Variants in ZNF260 observed in about 807,000 individuals in gnomAD.
ZNF260 encodes zinc finger protein 260, also known as zfp-260.
ZNF260 carries 21 observed loss-of-function variants against 29.3 expected under a neutral mutation model. The ratio of observed to expected loss-of-function variants is 0.72; its 90% CI spans 0.51 to 1.03. The LOEUF is 1.03. Ranked by LOEUF, ZNF260 falls within the 50% of genes least tolerant of loss-of-function variation. The probability of loss-of-function intolerance (pLI) is 0.00; values close to 1 mark genes in which losing one functional copy is unlikely to be tolerated. For synonymous variants in ZNF260, 156 were observed against 156.8 expected (o/e 0.99, Z 0.04); for missense variants, 465 against 487.8 (o/e 0.95, Z 0.44).
Position 36,511,457 on chromosome 19 carries a change from GC to G in ZNF260, c.*2542del, listed in dbSNP as rs2034450951. On this transcript the variant is annotated 3_prime_UTR_variant, in exon 3 of 3. Coordinates refer to ENST00000523638, the MANE Select transcript of ZNF260 (RefSeq NM_001166037.2). ...ACCTGAGGTCAGGAATTCAAGACCAGCCTGGCCAACATGGTGCAACTCCGTC... is the reference window on the plus strand; with the variant it reads ...ACCTGAGGTCAGGAATTCAAGACCAGCTGGCCAACATGGTGCAACTCCGTC... The G allele has an allele frequency of 3.9e-5, 6 of 152,158 alleles. No homozygotes were observed. Among genetic ancestry groups the G allele is most frequent in the Admixed American group, 3.9e-4 (6 of 15,262 alleles). The allele number at this position is 152,158 out of a possible 1,614,324, so 9.4% of individuals were successfully genotyped here.
rs554372163 is a variant in ZNF260 at position 36,521,921 on chromosome 19, C to T, written c.-462+3234G>A. The stretch of plus-strand genomic sequence containing the variant: ...AAAATTAGCTATGCTTGGTGGTGGG[C>T]GCCTGTTATCCCAGCTACTTGGGAG... On this transcript the variant is annotated intron_variant, in intron 2 of 2. Transcript: ENST00000523638. 2.0e-5 allele frequency among the ~76,000 whole-genome samples: 3 copies of T among 150,460 alleles called. No individual in the cohort carries two copies. In the South Asian group the frequency reaches 6.4e-4, roughly 32 times the overall value.
Position 36,512,674 on chromosome 19 carries a change from T to C in ZNF260, c.*1326A>G, listed in dbSNP as rs977663973. On this transcript the variant is annotated 3_prime_UTR_variant, in exon 3 of 3. Coordinates refer to ENST00000523638, the MANE Select transcript of ZNF260 (RefSeq NM_001166037.2). ...AATTCACAGAAGCATCATTACAATATGTTCATCATTTTTCTTCACTCTAAT... is the reference window on the plus strand; with the variant it reads ...AATTCACAGAAGCATCATTACAATACGTTCATCATTTTTCTTCACTCTAAT... 6.6e-6 allele frequency: 1 copy of C among 152,200 alleles called. No homozygotes were observed. Among genetic ancestry groups the C allele is most frequent in the African/African-American group, 2.4e-5 (1 of 41,466 alleles). 9.4% of individuals were successfully genotyped at this position (152,200 alleles called of 1,614,324 possible).
chr19:36,526,827 A>G (rs571726333), intron 1 of ZNF260, among the ~76,000 whole-genome samples: 1 of 152,368 alleles, frequency 6.6e-6, no homozygotes, highest in South Asian at 2.1e-4. Context: ...TCACTGATTC[A>G]GCAAACATAT....
intron 1 of ZNF260, among the ~76,000 whole-genome samples, chr19:36,526,151 A>G (rs1053199182): frequency 2.6e-5 from 4 of 152,210 alleles, no homozygotes; most frequent in Non-Finnish European, 4.4e-5. Flanking sequence ...AAATATAGTA[A>G]GTGTCCTATA....
At chr19:36,518,571 A>G (rs1400573897) in intron 2 of ZNF260, among the ~76,000 whole-genome samples, 1 of 152,200 alleles carries the variant, frequency 6.6e-6, no homozygotes, top group Non-Finnish European at 1.5e-5. Context: ...AGGCAGAAAG[A>G]AAGAGTGTAA....
chr19:36,521,157 A>G (rs2034639628), intron 2 of ZNF260, among the ~76,000 whole-genome samples: 1 of 151,978 alleles, frequency 6.6e-6, no homozygotes, highest in African/African-American at 2.4e-5. Context: ...ATGGCTTAGC[A>G]TGTGAATTTT....
Position 36,514,705 on chromosome 19 carries a change from G to C in ZNF260, c.534C>G (p.Tyr178Ter). The C allele has an allele frequency of 6.2e-7, 1 of 1,613,838 alleles. No homozygotes were observed. The highest frequency in any genetic ancestry group is 1.1e-5 in the South Asian group (1 of 91,072). Residue 178 changes from tyrosine to a stop codon, truncating the protein, a stop_gained, in exon 3 of 3, where the codon TAC becomes TAG. Transcript: ENST00000523638. LOFTEE classifies it high-confidence loss of function. Reference protein sequence around the residue: ...QCGRAFSQKQYLIKHQNIHTG... With the variant: ...QCGRAFSQKQ ...TATGGATGTTCTGATGTTTAATGAG[G>C]TATTGCTTCTGGCTGAAGGCTCTTC... is the stretch of plus-strand genomic sequence containing the variant.
intron 1 of ZNF260, among the ~76,000 whole-genome samples, chr19:36,527,629 T>C (rs757026855): frequency 1.3e-5 from 2 of 152,116 alleles, no homozygotes; most frequent in African/African-American, 2.4e-5. Context: ...CTTAAAGATA[T>C]TCCTTAGTTC....
chr19:36,524,539 A>C (rs2034701931), intron 2 of ZNF260, among the ~76,000 whole-genome samples: 1 of 32,312 alleles, frequency 3.1e-5, no homozygotes, highest in Non-Finnish European at 8.4e-5. Context: ...TTTTTTATTG[A>C]TCATTCTTGG....
rs1199831041 is a variant in ZNF260 at position 36,514,652 on chromosome 19, T to G, written c.587A>C (p.Glu196Ala). 1 of 1,614,084 alleles carries G rather than the reference T, an allele frequency of 6.2e-7. No homozygotes were observed. The highest frequency in any genetic ancestry group is 8.5e-7 in the Non-Finnish European group (1 of 1,180,000). Residue 196 changes from glutamate to alanine, a missense_variant, in exon 3 of 3, where the codon GAG becomes GCG. Physicochemically the swap from Glu to Ala is moderately radical, Grantham distance 107. Coordinates refer to ENST00000523638, the MANE Select transcript of ZNF260 (RefSeq NM_001166037.2). ...HTGKKPFKCS[E>A]CGKAFSQKEN... is the part of the protein sequence containing the mutation. ...CTTCTGGCTAAAAGCTTTTCCACAC[T>G]CACTACATTTAAAGGGCTTCTTTCC...
At position 36,512,189 on chromosome 19, in the gene ZNF260, A is replaced by G. The variant is rs1200325482; in HGVS notation, c.*1811T>C. ...TGTGACACATGAGTTATTTTAATTG[A>G]ATTTAAGTTGCCACCCCAATTAAAA... On this transcript the variant is annotated 3_prime_UTR_variant, in exon 3 of 3. Coordinates refer to ENST00000523638, the MANE Select transcript of ZNF260 (RefSeq NM_001166037.2). The G allele has an allele frequency of 6.6e-6, 1 of 151,956 alleles. No homozygotes were observed. Among genetic ancestry groups the G allele is most frequent in the African/African-American group, 2.4e-5 (1 of 41,420 alleles). 9.4% of individuals were successfully genotyped at this position (151,956 alleles called of 1,614,324 possible). A position where few individuals can be genotyped will look rare whatever the true frequency, so the allele number is the denominator to read the frequency against.
At chr19:36,525,729 C>A (rs1364412781) in intron 1 of ZNF260, among the ~76,000 whole-genome samples, 1 of 150,986 alleles carries the variant, frequency 6.6e-6, no homozygotes, top group Non-Finnish European at 1.5e-5. Flanking sequence ...AGAGGTTGCA[C>A]TGAACCAAGG....
chr19:36,518,657 T>C (rs2034591964), intron 2 of ZNF260, among the ~76,000 whole-genome samples: 1 of 152,044 alleles, frequency 6.6e-6, no homozygotes, highest in African/African-American at 2.4e-5. Flanking sequence ...AAAGAAAGTA[T>C]GAAGAAAAAT....
chr19:36,518,627 G>T (rs757774179), intron 2 of ZNF260, among the ~76,000 whole-genome samples: 18 of 152,128 alleles, frequency 1.2e-4, no homozygotes, highest in Non-Finnish European at 2.5e-4. Flanking sequence ...GGAAGGATCA[G>T]CATCTACTAA....
intron 2 of ZNF260, among the ~76,000 whole-genome samples, chr19:36,519,567 TA>T (rs1288749300): frequency 6.6e-6 from 1 of 152,198 alleles, no homozygotes; most frequent in African/African-American, 2.4e-5. Context: ...CATATTTTAT[TA>T]ATCAGTTTAT....
intron 2 of ZNF260, among the ~76,000 whole-genome samples, chr19:36,524,703 G>A (rs2034706169): frequency 1.3e-5 from 2 of 151,862 alleles, no homozygotes; most frequent in Non-Finnish European, 2.9e-5. Context: ...TAAGATTAGG[G>A]AGTGGTGATG....
Position 36,514,647 on chromosome 19 carries a change from C to T in ZNF260, c.592G>A (p.Gly198Arg), listed in dbSNP as rs1401257927. ...GKKPFKCSECGKAFSQKENLI... is the reference protein window; with the variant it reads ...GKKPFKCSECRKAFSQKENLI... ...TTTTCCTTCTGGCTAAAAGCTTTTC[C>T]ACACTCACTACATTTAAAGGGCTTC... Residue 198 changes from glycine (G) to arginine (R), a missense_variant, in exon 3 of 3, where the codon GGA becomes AGA. Transcript: ENST00000523638. The T allele has an allele frequency of 6.2e-7, 1 of 1,613,884 alleles. No individual in the cohort carries two copies. Among genetic ancestry groups the T allele is most frequent in the Non-Finnish European group, 8.5e-7 (1 of 1,179,956 alleles).
intron 2 of ZNF260, among the ~76,000 whole-genome samples, chr19:36,515,912 C>T (rs1387312160): frequency 4.0e-5 from 6 of 151,314 alleles, no homozygotes; most frequent in East Asian, 3.9e-4. Context: ...GCTCTTGTTG[C>T]CCAGGCTGGA....
intron 2 of ZNF260, among the ~76,000 whole-genome samples, chr19:36,521,561 T>A (rs973613442): frequency 2.6e-5 from 4 of 151,542 alleles, no homozygotes; most frequent in African/African-American, 9.7e-5. Context: ...GAGACCAGTC[T>A]GGCCAACATG....
Sources: allele counts gnomAD v4.1 joint callset (sites outside exome capture counted in the v4.1 genomes callset), GRCh38; gene constraint gnomAD v4.1.1; transcripts MANE v1.5; gene names NCBI Gene and HGNC (gene_info 2026-07-23, HGNC 2026-07-21).